The following MCTP1 variants were observed in gnomAD, a reference collection of about 807,000 sequenced individuals.
MCTP1 encodes multiple C2 and transmembrane domain-containing protein 1.
Under a neutral mutation model 120.6 loss-of-function variants are expected in MCTP1, and 69 were observed. The observed-to-expected ratio is 0.57, with a 90% CI of 0.47 to 0.70. The LOEUF (loss-of-function observed/expected upper bound fraction) is 0.70. Ranked by LOEUF, MCTP1 falls within the 30% of genes least tolerant of loss-of-function variation. MCTP1 has a pLI of 0.00. For missense variants in MCTP1, 1,203 were observed against 1,248.8 expected, an observed-to-expected ratio of 0.96 and a Z score of 0.55; for synonymous variants, 529 against 493.1, an observed-to-expected ratio of 1.07 and a Z score of -0.96.
intron 19 of MCTP1, among the ~76,000 whole-genome samples, chr5:94,726,854 T>C (rs1580338643): frequency 6.6e-6 from 1 of 152,160 alleles, no homozygotes; most frequent in East Asian, 1.9e-4. Context: ...ATGGTATTTT[T>C]TCGGTACATT....
intron 1 of MCTP1, among the ~76,000 whole-genome samples, chr5:95,034,418 C>T (rs1840869681): frequency 6.6e-6 from 1 of 151,942 alleles, no homozygotes; most frequent in African/African-American, 2.4e-5. Context: ...GAAATAAAGC[C>T]ACACACCCAC....
At chr5:95,090,838 C>T (rs1326590591) in intron 1 of MCTP1, among the ~76,000 whole-genome samples, 1 of 152,080 alleles carries the variant, frequency 6.6e-6, no homozygotes, top group African/African-American at 2.4e-5. Context: ...GTCTTTAGCC[C>T]ATATCTGAGC....
chr5:95,165,329 C>T (rs997930358), intron 1 of MCTP1, among the ~76,000 whole-genome samples: 1 of 152,102 alleles, frequency 6.6e-6, no homozygotes, highest in African/African-American at 2.4e-5. Flanking sequence ...GATAAACCAC[C>T]AAATTTATTT....
chr5:94,711,809 C>A (rs1410992722), intron 20 of MCTP1, among the ~76,000 whole-genome samples: 1 of 151,406 alleles, frequency 6.6e-6, no homozygotes, highest in Non-Finnish European at 1.5e-5. Context: ...AGGCAAAAAC[C>A]ATGATGTAAA....
At chr5:94,830,857 A>G (rs956972362) in intron 17 of MCTP1, among the ~76,000 whole-genome samples, 4 of 152,162 alleles carry the variant, frequency 2.6e-5, no homozygotes, top group Non-Finnish European at 5.9e-5. Context: ...TGGTGAATAA[A>G]CACTGCATAT....
intron 1 of MCTP1, among the ~76,000 whole-genome samples, chr5:95,278,903 G>A (rs1444343159): frequency 2.0e-5 from 3 of 151,516 alleles, no homozygotes; most frequent in Non-Finnish European, 4.4e-5. Context: ...CAGAGGTTGC[G>A]GTGAGCCAAG....
chr5:94,984,789 T>G (rs1199275030), intron 2 of MCTP1, among the ~76,000 whole-genome samples: 1 of 152,138 alleles, frequency 6.6e-6, no homozygotes, highest in Non-Finnish European at 1.5e-5. Flanking sequence ...TTATATTTAA[T>G]ATAAAGGTAA....
chr5:94,857,073 T>G (rs969994859), intron 17 of MCTP1, among the ~76,000 whole-genome samples: 1 of 151,722 alleles, frequency 6.6e-6, no homozygotes, highest in Admixed American at 6.6e-5. Flanking sequence ...GAGGAGGACA[T>G]AAATGTATCC....
intron 7 of MCTP1, 55 bp from the exon 8 acceptor site, chr5:94,918,028 C>A (rs114437812): frequency 1.9e-5 from 25 of 1,337,522 alleles, no homozygotes; most frequent in Non-Finnish European, 2.2e-5. Context: ...CCATTCTCAA[C>A]CCCTCATTTT....
chr5:95,132,223 C>T (rs975277735), intron 1 of MCTP1, among the ~76,000 whole-genome samples: 6 of 152,200 alleles, frequency 3.9e-5, no homozygotes, highest in Non-Finnish European at 8.8e-5. Flanking sequence ...TCTGTAACAT[C>T]TCTTGCTTCT....
At chr5:95,205,193 T>G (rs1017126184) in intron 1 of MCTP1, among the ~76,000 whole-genome samples, 1 of 152,124 alleles carries the variant, frequency 6.6e-6, no homozygotes, top group East Asian at 1.9e-4. Flanking sequence ...GCCTAACACT[T>G]ATGGTCAATT....
chr5:95,064,225 G>C (rs1750015577), intron 1 of MCTP1, among the ~76,000 whole-genome samples: 2 of 152,314 alleles, frequency 1.3e-5, no homozygotes, highest in Admixed American at 1.3e-4. Context: ...TGTAAGAACA[G>C]CTGCAACTGA....
chr5:95,194,908 G>A (rs1041548014), intron 1 of MCTP1, among the ~76,000 whole-genome samples: 1 of 152,190 alleles, frequency 6.6e-6, no homozygotes, highest in Admixed American at 6.5e-5. Flanking sequence ...CAGAGAAAAG[G>A]CGAGACTTCA....
chr5:95,208,245 A>G (rs1188390336), intron 1 of MCTP1, among the ~76,000 whole-genome samples: 1 of 152,088 alleles, frequency 6.6e-6, no homozygotes, highest in East Asian at 1.9e-4. Context: ...GCCTGCAACC[A>G]TGTCCAGCTA....
intron 1 of MCTP1, among the ~76,000 whole-genome samples, chr5:95,185,721 G>C (rs1299131840): frequency 1.3e-5 from 2 of 152,126 alleles, no homozygotes; most frequent in African/African-American, 4.8e-5. Context: ...AGTGAGGCCA[G>C]GCATGGTGGT....
chr5:94,979,977 T>G (rs1485543151), intron 2 of MCTP1, among the ~76,000 whole-genome samples: 1 of 152,076 alleles, frequency 6.6e-6, no homozygotes, highest in Non-Finnish European at 1.5e-5. Flanking sequence ...AAGAAAGGAC[T>G]CCACTGACAT....
chr5:94,911,372 T>C (rs1253325310), intron 9 of MCTP1, among the ~76,000 whole-genome samples: 2 of 152,178 alleles, frequency 1.3e-5, no homozygotes, highest in South Asian at 2.1e-4. Flanking sequence ...AAATCTCATG[T>C]CATATTGTAC....
chr5:95,247,889 T>G (rs113482781), intron 1 of MCTP1, among the ~76,000 whole-genome samples: 2 of 152,190 alleles, frequency 1.3e-5, no homozygotes, highest in Non-Finnish European at 2.9e-5. Context: ...TATAGAGTTC[T>G]GTAGATATCT....
intron 1 of MCTP1, among the ~76,000 whole-genome samples, chr5:95,114,038 C>A (rs1378071124): frequency 6.6e-6 from 1 of 152,112 alleles, no homozygotes; most frequent in African/African-American, 2.4e-5. Context: ...TATTCTGGGC[C>A]AGAAGAGAAC....
Sources: allele counts gnomAD v4.1 joint callset (sites outside exome capture counted in the v4.1 genomes callset), GRCh38; gene constraint gnomAD v4.1.1; transcripts MANE v1.5; gene names NCBI Gene and HGNC (gene_info 2026-07-23, HGNC 2026-07-21).